The following CDH12 variants were observed in gnomAD, a reference collection of about 807,000 sequenced individuals.
CDH12 encodes cadherin-12.
A neutral mutation model predicts 74.1 loss-of-function variants in CDH12; 41 were observed. That is an observed-to-expected ratio of 0.55 (90% CI 0.43 to 0.72). The LOEUF is 0.72. Ranked by LOEUF, CDH12 falls within the 30% of genes least tolerant of loss-of-function variation. The pLI, the probability that CDH12 is intolerant of heterozygous loss-of-function variation, is 0.00. For missense variants in CDH12, 945 were observed against 977.2 expected (o/e 0.97, Z 0.44); for synonymous variants, 399 against 355.0 (o/e 1.12, Z -1.39).
At chr5:22,551,335 A>G (rs1056083757) in intron 1 of CDH12, among the ~76,000 whole-genome samples, 7 of 152,172 alleles carry the variant, frequency 4.6e-5, no homozygotes, top group African/African-American at 1.7e-4. Context: ...CTGAAAGAAA[A>G]CAAATGTCTG....
chr5:22,031,297 G>A (rs1264132298), intron 5 of CDH12, among the ~76,000 whole-genome samples: 2 of 149,722 alleles, frequency 1.3e-5, no homozygotes, highest in African/African-American at 5.0e-5. Flanking sequence ...TCCTGCCACT[G>A]AACTCCAGCC....
At chr5:22,264,974 C>T (rs1277054831) in intron 3 of CDH12, among the ~76,000 whole-genome samples, 1 of 152,024 alleles carries the variant, frequency 6.6e-6, no homozygotes, top group Non-Finnish European at 1.5e-5. Flanking sequence ...TGTAAATGAC[C>T]CTCAGTTTGA....
At chr5:22,480,231 G>A (rs1316716933) in intron 2 of CDH12, among the ~76,000 whole-genome samples, 1 of 151,476 alleles carries the variant, frequency 6.6e-6, no homozygotes, top group Non-Finnish European at 1.5e-5. Context: ...AAAGAGTTTT[G>A]GTTTTTGACT....
intron 10 of CDH12, among the ~76,000 whole-genome samples, chr5:21,783,876 C>T (rs1469106411): frequency 1.3e-5 from 2 of 152,054 alleles, no homozygotes; most frequent in African/African-American, 4.8e-5. Flanking sequence ...CTGGAAACAA[C>T]TACAAAGAAC....
At chr5:22,179,509 T>C (rs1749522930) in intron 4 of CDH12, among the ~76,000 whole-genome samples, 1 of 152,224 alleles carries the variant, frequency 6.6e-6, no homozygotes, top group South Asian at 2.1e-4. Flanking sequence ...AAGTTAATTA[T>C]TTTAATACAA....
intron 3 of CDH12, among the ~76,000 whole-genome samples, chr5:22,397,999 A>G (rs778072808): frequency 6.6e-6 from 1 of 152,128 alleles, no homozygotes; most frequent in South Asian, 2.1e-4. Flanking sequence ...TTTTAATAAA[A>G]TGAAGATATA....
At chr5:21,874,353 T>C (rs1751815514) in intron 6 of CDH12, among the ~76,000 whole-genome samples, 1 of 152,126 alleles carries the variant, frequency 6.6e-6, no homozygotes, top group Non-Finnish European at 1.5e-5. Context: ...TGACTAAGAA[T>C]TACTAAGCCT....
chr5:22,309,469 T>C (rs1014454072), intron 3 of CDH12, among the ~76,000 whole-genome samples: 1 of 152,136 alleles, frequency 6.6e-6, no homozygotes, highest in Non-Finnish European at 1.5e-5. Context: ...ACTATTTTTA[T>C]TGTATAAATT....
chr5:22,676,676 C>G (rs981063555), intron 1 of CDH12, among the ~76,000 whole-genome samples: 2 of 152,154 alleles, frequency 1.3e-5, no homozygotes, highest in Non-Finnish European at 2.9e-5. Context: ...AAATTAAGAC[C>G]TTGCTCCAGA....
intron 3 of CDH12, among the ~76,000 whole-genome samples, chr5:22,254,337 C>T (rs1232496861): frequency 6.6e-6 from 1 of 151,768 alleles, no homozygotes; most frequent in Non-Finnish European, 1.5e-5. Context: ...AAAAAGTTAT[C>T]TTTATACTAA....
At chr5:22,709,431 A>C (rs1459187074) in intron 1 of CDH12, among the ~76,000 whole-genome samples, 1 of 152,168 alleles carries the variant, frequency 6.6e-6, no homozygotes, top group African/African-American at 2.4e-5. Context: ...TTAACAACTC[A>C]TCTGTCAGCA....
intron 3 of CDH12, among the ~76,000 whole-genome samples, chr5:22,325,690 T>C (rs562314229): frequency 6.6e-6 from 1 of 151,960 alleles, no homozygotes; most frequent in East Asian, 1.9e-4. Context: ...ATCGAGACCA[T>C]CCTGGCTAAC....
chr5:21,930,378 C>T (rs1290700913), intron 6 of CDH12, among the ~76,000 whole-genome samples: 2 of 152,116 alleles, frequency 1.3e-5, no homozygotes, highest in African/African-American at 2.4e-5. Context: ...AGTGATTTTA[C>T]ATTATGTGGA....
rs548521222 is a variant in CDH12, at chr5:22,471,349, T to A, written c.-428+33921A>T. Among the ~76,000 whole-genome samples, 18 of 152,308 alleles carry A rather than the reference T, an allele frequency of 1.2e-4. No individual in the cohort carries two copies. In the South Asian group the frequency reaches 3.7e-3, roughly 32 times the overall value. On this transcript the variant is annotated intron_variant, in intron 2 of 14. Coordinates refer to ENST00000382254, the MANE Select transcript of CDH12 (RefSeq NM_004061.5). The stretch of plus-strand genomic sequence containing the variant: ...CTTCTCTAATTTCAGTACCTCACTG[T>A]CCCTTCTGCATGAGATCATGTAATC...
intron 6 of CDH12, among the ~76,000 whole-genome samples, chr5:21,886,277 T>A (rs1474710571): frequency 6.6e-6 from 1 of 151,666 alleles, no homozygotes; most frequent in Non-Finnish European, 1.5e-5. Flanking sequence ...ATAGCTAAAA[T>A]GAAGTATGTT....
At chr5:22,157,024 A>G (rs1345572177) in intron 4 of CDH12, among the ~76,000 whole-genome samples, 2 of 152,092 alleles carry the variant, frequency 1.3e-5, no homozygotes, top group Non-Finnish European at 2.9e-5. Flanking sequence ...GTGAAAAATG[A>G]CATGTTTAAC....
At chr5:22,025,692 T>A (rs1438922105) in intron 5 of CDH12, among the ~76,000 whole-genome samples, 1 of 152,158 alleles carries the variant, frequency 6.6e-6, no homozygotes, top group South Asian at 2.1e-4. Context: ...CTATCCACAG[T>A]AGGACTCCTT....
At chr5:21,883,850 A>C in intron 6 of CDH12, 1 of 1,606,166 alleles carries the variant, frequency 6.2e-7, no homozygotes, top group Non-Finnish European at 8.5e-7. Flanking sequence ...AGAAAGACAG[A>C]GTTACAGATG....
chr5:22,844,061 C>T (rs1737195530), intron 1 of CDH12, among the ~76,000 whole-genome samples: 1 of 151,890 alleles, frequency 6.6e-6, no homozygotes, highest in Admixed American at 6.6e-5. Flanking sequence ...TTTTTCCATC[C>T]TTCATCAAGA....
Sources: gnomAD v4.1 joint callset for allele counts (sites outside exome capture counted in the v4.1 genomes callset) on GRCh38, gnomAD v4.1.1 for gene constraint, MANE v1.5 for transcripts, NCBI Gene and HGNC (gene_info 2026-07-23, HGNC 2026-07-21) for gene names.